The following NXPH1 variants were observed in gnomAD, a reference collection of about 807,000 sequenced individuals.
The protein encoded by NXPH1 is neurexophilin 1.
In NXPH1, 5 loss-of-function variants were observed where a neutral mutation model predicts 23.7. That is an observed-to-expected ratio of 0.21 (90% CI 0.11 to 0.44). The LOEUF (loss-of-function observed/expected upper bound fraction) is 0.44. NXPH1 is among the 20% of genes least tolerant of loss of function. NXPH1 has a pLI of 0.99. For synonymous variants in NXPH1, 144 were observed against 122.2 expected (o/e 1.18, Z -1.18); for missense variants, 324 against 321.6 (o/e 1.01, Z -0.06).
intron 2 of NXPH1, among the ~76,000 whole-genome samples, chr7:8,711,623 TG>T (rs1779796652): frequency 6.6e-6 from 1 of 152,106 alleles, no homozygotes; most frequent in African/African-American, 2.4e-5. Flanking sequence ...ATGCTTTTTT[TG>T]GGGTATGGGA....
intron 2 of NXPH1, among the ~76,000 whole-genome samples, chr7:8,571,211 T>C (rs756464): frequency 0.4 from 60,524 of 151,558 alleles, 14,722 homozygotes; most frequent in African/African-American, 0.69. Context: ...GACAATGTCA[T>C]AGGAGAGTCT....
At chr7:8,594,375 T>G (rs1462793478) in intron 2 of NXPH1, among the ~76,000 whole-genome samples, 1 of 152,072 alleles carries the variant, frequency 6.6e-6, no homozygotes, top group Non-Finnish European at 1.5e-5. Context: ...GGTAAACAGC[T>G]GGTAAAGATA....
chr7:8,698,516 G>A (rs888327408), intron 2 of NXPH1, among the ~76,000 whole-genome samples: 1 of 152,064 alleles, frequency 6.6e-6, no homozygotes, highest in Non-Finnish European at 1.5e-5. Flanking sequence ...ATTGCTCTAT[G>A]TATAGGTATA....
chr7:8,519,863 T>A (rs560361006), intron 2 of NXPH1, among the ~76,000 whole-genome samples: 1 of 152,306 alleles, frequency 6.6e-6, no homozygotes, highest in African/African-American at 2.4e-5. Context: ...TACATGTATA[T>A]GTAGGTGGAC....
At chr7:8,473,922 C>G (rs1349742570) in intron 2 of NXPH1, among the ~76,000 whole-genome samples, 6 of 152,106 alleles carry the variant, frequency 3.9e-5, no homozygotes, top group African/African-American at 1.2e-4. Flanking sequence ...TCATTTTCCA[C>G]TTGAACTGCT....
intron 2 of NXPH1, among the ~76,000 whole-genome samples, chr7:8,589,296 T>C (rs1819042610): frequency 6.6e-6 from 1 of 152,106 alleles, no homozygotes. Context: ...GCAGGCCCGG[T>C]CACTTGCATC....
chr7:8,670,713 A>C (rs1246092731), intron 2 of NXPH1, among the ~76,000 whole-genome samples: 2 of 152,238 alleles, frequency 1.3e-5, no homozygotes, highest in African/African-American at 4.8e-5. Flanking sequence ...AATATGTATC[A>C]CAATATAAAA....
rs751261692 is a variant in NXPH1 at position 8,518,396 on chromosome 7, T to C, written c.54+82629T>C. ...CTCACATTTTCAAGGTATTTTATTA[T>C]ATACCTAACACATAAAATTATTAAA... On this transcript the variant is annotated intron_variant, in intron 2 of 2. Transcript: ENST00000405863. Among the ~76,000 whole-genome samples, 24 of 152,262 alleles carry C rather than the reference T, an allele frequency of 1.6e-4. 1 individual carries two copies. The South Asian group carries it at 3.7e-3, about 24-fold the overall frequency.
intron 2 of NXPH1, among the ~76,000 whole-genome samples, chr7:8,518,613 A>G (rs545236620): frequency 7.9e-5 from 12 of 152,132 alleles, no homozygotes; most frequent in Non-Finnish European, 1.5e-4. Flanking sequence ...CAGCTCCCCA[A>G]GTAGCTGGGA....
chr7:8,683,246 C>G (rs1303639341), intron 2 of NXPH1, among the ~76,000 whole-genome samples: 1 of 152,210 alleles, frequency 6.6e-6, no homozygotes, highest in Non-Finnish European at 1.5e-5. Context: ...CAAGAACTCA[C>G]TATTGTGGGG....
At chr7:8,662,283 A>C (rs1820689980) in intron 2 of NXPH1, among the ~76,000 whole-genome samples, 1 of 152,036 alleles carries the variant, frequency 6.6e-6, no homozygotes, top group Non-Finnish European at 1.5e-5. Flanking sequence ...TAACATTGTC[A>C]TATAAATTTG....
intron 2 of NXPH1, among the ~76,000 whole-genome samples, chr7:8,680,066 G>A (rs1370014286): frequency 1.3e-5 from 2 of 152,210 alleles, no homozygotes; most frequent in Non-Finnish European, 2.9e-5. Flanking sequence ...TTTCAGACAC[G>A]GAGTGGTATT....
At chr7:8,618,149 C>T (rs1361050248) in intron 2 of NXPH1, among the ~76,000 whole-genome samples, 1 of 152,138 alleles carries the variant, frequency 6.6e-6, no homozygotes, top group Non-Finnish European at 1.5e-5. Context: ...TACATCTTTT[C>T]TTTGATGTTA....
intron 2 of NXPH1, among the ~76,000 whole-genome samples, chr7:8,733,450 C>T (rs201678995): frequency 6.6e-5 from 10 of 152,142 alleles, no homozygotes; most frequent in East Asian, 1.9e-4. Context: ...CTTGAGGAAT[C>T]GCCACACTGT....
intron 2 of NXPH1, among the ~76,000 whole-genome samples, chr7:8,591,370 C>T (rs1278283142): frequency 6.6e-6 from 1 of 151,928 alleles, no homozygotes; most frequent in African/African-American, 2.4e-5. Context: ...TTCTAGAGAC[C>T]TTGTTTTTAA....
At chr7:8,470,861 T>C (rs1816861774) in intron 2 of NXPH1, among the ~76,000 whole-genome samples, 1 of 151,840 alleles carries the variant, frequency 6.6e-6, no homozygotes, top group African/African-American at 2.4e-5. Context: ...TCTGCGATGA[T>C]GAAAATTGAT....
intron 2 of NXPH1, among the ~76,000 whole-genome samples, chr7:8,555,273 A>C (rs1818339303): frequency 6.6e-6 from 1 of 151,676 alleles, no homozygotes. Flanking sequence ...TGAATCAACT[A>C]AGAGCAGCTT....
At chr7:8,579,076 T>C (rs1818813014) in intron 2 of NXPH1, among the ~76,000 whole-genome samples, 1 of 152,144 alleles carries the variant, frequency 6.6e-6, no homozygotes, top group South Asian at 2.1e-4. Context: ...TACCACATGT[T>C]TGTGAAAGTT....
chr7:8,445,247 A>G (rs1201267494), intron 2 of NXPH1, among the ~76,000 whole-genome samples: 1 of 152,268 alleles, frequency 6.6e-6, no homozygotes, highest in Non-Finnish European at 1.5e-5. Context: ...CTCTGAGATC[A>G]GACCCCACAG....
Sources: gnomAD v4.1 joint callset for allele counts (sites outside exome capture counted in the v4.1 genomes callset) on GRCh38, gnomAD v4.1.1 for gene constraint, MANE v1.5 for transcripts, NCBI Gene and HGNC (gene_info 2026-07-23, HGNC 2026-07-21) for gene names.